Variants in GPD2 observed in about 807,000 individuals in gnomAD.
GPD2 encodes the protein glycerol-3-phosphate dehydrogenase 2.
GPD2 carries 54 observed loss-of-function variants against 82.4 expected under a neutral mutation model. The observed-to-expected ratio is 0.66, with a 90% CI of 0.53 to 0.82. The LOEUF is 0.82. Ranked by LOEUF, GPD2 falls within the 40% of genes least tolerant of loss-of-function variation. The probability of loss-of-function intolerance (pLI) is 0.00; values close to 1 mark genes in which losing one functional copy is unlikely to be tolerated. For missense variants in GPD2, 748 were observed against 896.2 expected (o/e 0.83, Z 2.11); for synonymous variants, 288 against 306.1 (o/e 0.94, Z 0.62).
intron 2 of GPD2, among the ~76,000 whole-genome samples, chr2:156,495,137 CTAGGAGTTCGAG>C (rs1331851663): frequency 2.7e-4 from 41 of 152,194 alleles, no homozygotes; most frequent in African/African-American, 9.4e-4. Flanking sequence ...TTGATTGATT[CTAGGAGTTCGAG>C]ACCACGCTGG....
At chr2:156,445,384 A>G (rs948992247) in intron 1 of GPD2, among the ~76,000 whole-genome samples, 10 of 152,188 alleles carry the variant, frequency 6.6e-5, no homozygotes, top group African/African-American at 2.4e-4. Context: ...CTTTTGCAAC[A>G]TTGTATTCCA....
intron 8 of GPD2, among the ~76,000 whole-genome samples, chr2:156,553,481 T>C (rs1686842700): frequency 6.6e-6 from 1 of 152,160 alleles, no homozygotes; most frequent in African/African-American, 2.4e-5. Flanking sequence ...ACTGCCCAGC[T>C]AACCCCTGTA....
In GPD2 at chr2:156,576,491, G is replaced by C. The variant is rs563105637; in HGVS notation, c.1768-2398G>C. 2.0e-5 allele frequency among the ~76,000 whole-genome samples: 3 copies of C among 151,334 alleles called. No individual in the cohort carries two copies. In the East Asian group the frequency reaches 5.8e-4, roughly 29 times the overall value. On this transcript the variant is annotated intron_variant, in intron 13 of 16. Transcript: ENST00000438166. ...TAAAAAAAAAAAAAACATTAGGTTT[G>C]TTCTACCCTAGGAAAGGATTTGTTA...
intron 8 of GPD2, among the ~76,000 whole-genome samples, chr2:156,553,757 T>C (rs933593861): frequency 2.0e-5 from 3 of 152,236 alleles, no homozygotes; most frequent in Non-Finnish European, 2.9e-5. Context: ...TTATGCTTTA[T>C]ACACTTAGTA....
intron 2 of GPD2, among the ~76,000 whole-genome samples, chr2:156,485,258 A>C (rs1683897439): frequency 2.6e-5 from 4 of 152,162 alleles, no homozygotes; most frequent in Admixed American, 2.0e-4. Flanking sequence ...AATCAAATAA[A>C]ATGGCCATTT....
At chr2:156,539,854 T>C (rs1686237864) in intron 6 of GPD2, among the ~76,000 whole-genome samples, 1 of 152,212 alleles carries the variant, frequency 6.6e-6, no homozygotes, top group African/African-American at 2.4e-5. Flanking sequence ...TTTTGACTTG[T>C]TGTATAATTC....
chr2:156,459,559 A>G (rs1025907817), intron 1 of GPD2, among the ~76,000 whole-genome samples: 1 of 151,874 alleles, frequency 6.6e-6, no homozygotes, highest in Admixed American at 6.6e-5. Context: ...ATGGTGGCGC[A>G]TGCCTGTAAT....
chr2:156,575,060 C>T (rs1382484653), intron 13 of GPD2, among the ~76,000 whole-genome samples: 2 of 152,052 alleles, frequency 1.3e-5, no homozygotes, highest in Admixed American at 6.6e-5. Flanking sequence ...TTATGCCAGT[C>T]CAGAAAAATT....
chr2:156,404,849 G>A, the GPD2 span, among the ~76,000 whole-genome samples: 4 of 143,062 alleles, frequency 2.8e-5, no homozygotes, highest in East Asian at 2.0e-4. Flanking sequence ...GTGAGACTCC[G>A]TCTCCAAAAA....
intron 8 of GPD2, among the ~76,000 whole-genome samples, chr2:156,554,757 A>G (rs979065666): frequency 9.9e-5 from 15 of 152,188 alleles, no homozygotes; most frequent in Non-Finnish European, 1.2e-4. Flanking sequence ...TGTTTAGCCT[A>G]CTGGTGCTTT....
the GPD2 span, among the ~76,000 whole-genome samples, chr2:156,429,086 T>C: frequency 6.6e-6 from 1 of 152,238 alleles, no homozygotes; most frequent in Non-Finnish European, 1.5e-5. Flanking sequence ...AATTCATTCA[T>C]TTTCTTTTTT....
At chr2:156,481,786 A>G (rs1683743251) in intron 2 of GPD2, among the ~76,000 whole-genome samples, 1 of 151,864 alleles carries the variant, frequency 6.6e-6, no homozygotes, top group South Asian at 2.1e-4. Context: ...GGCCTATTTC[A>G]TTCTTTTTAA....
At chr2:156,579,034 T>C (rs1264077481) in intron 14 of GPD2, 33 bp downstream of exon 14, 1 of 1,557,522 alleles carries the variant, frequency 6.4e-7, no homozygotes, top group Non-Finnish European at 8.9e-7. Context: ...TATCTCTCTT[T>C]TTTTTTGGCC....
At chr2:156,514,500 G>A (rs1427014487) in intron 6 of GPD2, among the ~76,000 whole-genome samples, 1 of 150,756 alleles carries the variant, frequency 6.6e-6, no homozygotes, top group Non-Finnish European at 1.5e-5. Context: ...TTTTTTTCAG[G>A]ATACTTTGAT....
chr2:156,472,508 G>A (rs1431556072), intron 1 of GPD2, among the ~76,000 whole-genome samples: 1 of 152,048 alleles, frequency 6.6e-6, no homozygotes, highest in East Asian at 1.9e-4. Flanking sequence ...TTTTAGTAGA[G>A]ACAAGGTTTC....
At chr2:156,508,174 A>G (rs1403413422) in intron 3 of GPD2, among the ~76,000 whole-genome samples, 1 of 151,984 alleles carries the variant, frequency 6.6e-6, no homozygotes, top group Non-Finnish European at 1.5e-5. Flanking sequence ...TGCATCCCTC[A>G]TAGTGGACAG....
chr2:156,536,362 GATT>G (rs1686080456), intron 6 of GPD2, among the ~76,000 whole-genome samples: 1 of 152,166 alleles, frequency 6.6e-6, no homozygotes, highest in Non-Finnish European at 1.5e-5. Flanking sequence ...CTGAGTCTTT[GATT>G]CTTAGGCTTT....
Position 156,569,414 on chromosome 2 carries a change from C to T in GPD2, c.1352C>T (p.Ala451Val). 1 of 1,610,904 alleles carries T rather than the reference C, an allele frequency of 6.2e-7. No individual in the cohort carries two copies. ...RSMAEDTINA[A>V]VKTHNLKAGP... ...ATGGCAGAAGATACCATAAATGCTG[C>T]TGTCAAAACTCATAATTTAAAAGCA... is the stretch of plus-strand genomic sequence containing the variant. Residue 451 changes from alanine to valine, a missense_variant, in exon 11 of 17, where the codon GCT becomes GTT. Ala to Val is a moderately conservative substitution (Grantham distance 64). Transcript: ENST00000438166.
intron 6 of GPD2, among the ~76,000 whole-genome samples, chr2:156,514,922 C>A (rs1685144663): frequency 6.6e-6 from 1 of 152,006 alleles, no homozygotes; most frequent in Non-Finnish European, 1.5e-5. Context: ...GGTTTTTGGT[C>A]CAGGAGGAGT....
Sources: allele counts gnomAD v4.1 joint callset (sites outside exome capture counted in the v4.1 genomes callset), GRCh38; gene constraint gnomAD v4.1.1; transcripts MANE v1.5; gene names NCBI Gene and HGNC (gene_info 2026-07-23, HGNC 2026-07-21).